Variants in RANBP3L observed in about 807,000 individuals in gnomAD.
RANBP3L encodes RAN binding protein 3 like, also known as ran-binding protein 3-like.
A neutral mutation model predicts 67.2 loss-of-function variants in RANBP3L; 56 were observed. That is an observed-to-expected ratio of 0.83 (90% CI 0.67 to 1.04). The LOEUF (loss-of-function observed/expected upper bound fraction) is 1.04, where lower values mean the gene tolerates loss of function less well. RANBP3L is among the 50% of genes least tolerant of loss of function. The pLI, the probability that RANBP3L is intolerant of heterozygous loss-of-function variation, is 0.00. For missense variants in RANBP3L, 496 were observed against 535.5 expected, an observed-to-expected ratio of 0.93 and a Z score of 0.73; for synonymous variants, 164 against 181.4, an observed-to-expected ratio of 0.90 and a Z score of 0.77.
intron 9 of RANBP3L, 58 bp downstream of exon 9, chr5:36,257,396 T>TA: frequency 2.9e-6 from 2 of 686,212 alleles, no homozygotes; most frequent in South Asian, 2.3e-5. Flanking sequence ...TGTTAATAAA[T>TA]AAAAAACAGG....
rs1561090416 is a variant in RANBP3L at position 36,251,234 on chromosome 5, A to C, written c.1354+79T>G. The C allele has an allele frequency of 4.0e-6, 5 of 1,238,394 alleles. No homozygotes were observed. In the East Asian group the frequency reaches 7.4e-5, roughly 18 times the overall value. 76.7% of individuals were successfully genotyped at this position (1,238,394 alleles called of 1,614,324 possible). On this transcript the variant is annotated intron_variant, in intron 13 of 13. Coordinates refer to ENST00000296604, the MANE Select transcript of RANBP3L (RefSeq NM_145000.5). ...TAAACAGAGCAGTTCCACTTGTTAA[A>C]AAATCTACCTAATATATTAGGATCG...
At chr5:36,271,365 A>C (rs1455688724) in intron 1 of RANBP3L, 54 bp from the exon 2 acceptor site, 1 of 1,121,436 alleles carries the variant, frequency 8.9e-7, no homozygotes, top group African/African-American at 1.6e-5. Flanking sequence ...GACATTTCTT[A>C]CATCATCTAA....
chr5:36,282,217 G>A (rs1474119246), intron 1 of RANBP3L, among the ~76,000 whole-genome samples: 3 of 152,216 alleles, frequency 2.0e-5, no homozygotes, highest in Non-Finnish European at 4.4e-5. Context: ...TTCGCTGAGG[G>A]AGTGGGGAAC....
In RANBP3L at chr5:36,248,474, A is replaced by G. The variant is rs2111561482; in HGVS notation, c.*1180T>C. 6.6e-6 allele frequency: 1 copy of G among 152,320 alleles called. No homozygotes were observed. The highest frequency in any genetic ancestry group is 1.9e-4 in the East Asian group (1 of 5,194). The allele number at this position is 152,320 out of a possible 1,614,324, so 9.4% of individuals were successfully genotyped here. On this transcript the variant is annotated 3_prime_UTR_variant, in exon 14 of 14. Coordinates refer to ENST00000296604, the MANE Select transcript of RANBP3L (RefSeq NM_145000.5). ...ACTTATATATTTTTATTATTTTATA[A>G]CAGGTATGGTAACACAGTAATATAA...
chr5:36,265,977 CAAAAAAAA>C lies in RANBP3L; in HGVS notation c.269-465_269-458del, dbSNP rs10717173. On this transcript the variant is annotated intron_variant, in intron 4 of 13. Transcript: ENST00000296604. ...GTGTGACAGGAGCGAGACTCCATTT[CAAAAAAAA>C]AAAAAAAAAAAAAAAGATATTGCCG... 6.0e-3 allele frequency among the ~76,000 whole-genome samples: 459 copies of C among 76,094 alleles called. 3 individuals carry two copies. Among genetic ancestry groups the C allele is most frequent in the African/African-American group, 0.023 (432 of 18,776 alleles). 49.9% of individuals were successfully genotyped at this position (76,094 alleles called of 152,430 possible).
chr5:36,266,530 A>G (rs949990482), intron 4 of RANBP3L, among the ~76,000 whole-genome samples: 19 of 152,176 alleles, frequency 1.2e-4, no homozygotes, highest in African/African-American at 1.7e-4. Context: ...TTATTATTGA[A>G]CATCAACAAA....
chr5:36,283,808 G>A (rs938330019), intron 1 of RANBP3L, among the ~76,000 whole-genome samples: 1 of 152,154 alleles, frequency 6.6e-6, no homozygotes, highest in African/African-American at 2.4e-5. Context: ...ATGTTATTGA[G>A]CTGTAGTTGC....
chr5:36,263,023 TATAAAG>T (rs1749508347), intron 6 of RANBP3L, among the ~76,000 whole-genome samples: 2 of 152,074 alleles, frequency 1.3e-5, no homozygotes, highest in Admixed American at 1.3e-4. Flanking sequence ...TAATAAGAAA[TATAAAG>T]ATAATGGTTC....
intron 1 of RANBP3L, among the ~76,000 whole-genome samples, chr5:36,296,338 T>C (rs80131417): frequency 1.0e-3 from 159 of 152,280 alleles, no homozygotes; most frequent in African/African-American, 3.7e-3. Flanking sequence ...AAGTCCTTCA[T>C]TTGTGGGTCT....
At position 36,269,465 on chromosome 5, in the gene RANBP3L, A is replaced by G. The variant is rs374882075; in HGVS notation, c.193T>C (p.Cys65Arg). Residue 65 changes from cysteine (C) to arginine (R), a missense_variant and splice_region_variant, in exon 4 of 14, where the codon TGT becomes CGT. Transcript: ENST00000296604. ...ACACGCTTTGTTGGAAAACCATTACATTCTGCAAGAAAAGCAATGGAAAGG... is the reference window on the plus strand; with the variant it reads ...ACACGCTTTGTTGGAAAACCATTACGTTCTGCAAGAAAAGCAATGGAAAGG... The part of the protein sequence containing the change: ...DTLYEAAEPE[C>R]NGFPTKRVRS... The G allele has an allele frequency of 2.0e-6, 3 of 1,509,158 alleles. No individual in the cohort carries two copies. Among genetic ancestry groups the G allele is most frequent in the Non-Finnish European group, 2.8e-6 (3 of 1,084,456 alleles). The allele number at this position is 1,509,158 out of a possible 1,614,324, so 93.5% of individuals were successfully genotyped here. A position where few individuals can be genotyped will look rare whatever the true frequency, so the allele number is the denominator to read the frequency against.
At position 36,247,770 on chromosome 5, in the gene RANBP3L, G is replaced by A. The variant is rs1402419989; in HGVS notation, c.*1884C>T. On this transcript the variant is annotated 3_prime_UTR_variant, in exon 14 of 14. Transcript: ENST00000296604. ...ATGATGGCGGGCGCCTGTAATCCCA[G>A]CTACTCAGGAGGCTGAGTGAGGCAC... 6.6e-6 allele frequency among the ~76,000 whole-genome samples: 1 copy of A among 152,198 alleles called. No individual in the cohort carries two copies. Among genetic ancestry groups the A allele is most frequent in the African/African-American group, 2.4e-5 (1 of 41,452 alleles).
intron 6 of RANBP3L, among the ~76,000 whole-genome samples, chr5:36,264,320 G>C (rs1287387357): frequency 6.6e-6 from 1 of 152,172 alleles, no homozygotes; most frequent in East Asian, 1.9e-4. Context: ...TATTCCTCCT[G>C]TGTCTGCTTC....
At chr5:36,288,809 C>T (rs1384523962) in intron 1 of RANBP3L, among the ~76,000 whole-genome samples, 3 of 151,906 alleles carry the variant, frequency 2.0e-5, no homozygotes, top group Non-Finnish European at 4.4e-5. Context: ...ATTTTTAAAT[C>T]AAATTGTTTA....
At chr5:36,270,535 G>A (rs1202460339) in intron 2 of RANBP3L, among the ~76,000 whole-genome samples, 2 of 152,098 alleles carry the variant, frequency 1.3e-5, no homozygotes, top group East Asian at 3.9e-4. Flanking sequence ...TGTCACCCAG[G>A]CTGCAGTACC....
chr5:36,272,636 T>G (rs1750301253), intron 1 of RANBP3L, among the ~76,000 whole-genome samples: 1 of 152,064 alleles, frequency 6.6e-6, no homozygotes, highest in African/African-American at 2.4e-5. Context: ...GGTTTTTTTG[T>G]TTGTTTTTGT....
chr5:36,256,603 A>G (rs1022759375), intron 10 of RANBP3L, among the ~76,000 whole-genome samples: 5 of 152,116 alleles, frequency 3.3e-5, no homozygotes, highest in Non-Finnish European at 7.4e-5. Context: ...CAAGTTATCA[A>G]CATTGTTAAA....
chr5:36,254,544 G>A (rs1748832200), intron 11 of RANBP3L, among the ~76,000 whole-genome samples: 1 of 151,920 alleles, frequency 6.6e-6, no homozygotes, highest in Non-Finnish European at 1.5e-5. Flanking sequence ...AATCAAACCA[G>A]AGTAGTAAAT....
intron 1 of RANBP3L, among the ~76,000 whole-genome samples, chr5:36,295,846 C>T (rs1752175527): frequency 6.6e-6 from 1 of 151,962 alleles, no homozygotes; most frequent in Non-Finnish European, 1.5e-5. Flanking sequence ...GGGGCTGTCA[C>T]ATCAAAAAGC....
intron 6 of RANBP3L, among the ~76,000 whole-genome samples, chr5:36,262,253 C>CA (rs1465982727): frequency 1.3e-5 from 2 of 152,128 alleles, no homozygotes; most frequent in African/African-American, 2.4e-5. Context: ...TAAACTGACA[C>CA]AAAAAACTTA....
Sources: allele counts gnomAD v4.1 joint callset (sites outside exome capture counted in the v4.1 genomes callset), GRCh38; gene constraint gnomAD v4.1.1; transcripts MANE v1.5; gene names NCBI Gene and HGNC (gene_info 2026-07-23, HGNC 2026-07-21).